RBFOX1: variants seen among roughly 807,000 people sequenced by gnomAD.
RBFOX1 encodes the protein RNA binding protein fox-1 homolog 1.
In RBFOX1, 8 loss-of-function variants were observed where a neutral mutation model predicts 57.7. The ratio of observed to expected loss-of-function variants is 0.14; its 90% CI spans 0.08 to 0.25. The LOEUF (loss-of-function observed/expected upper bound fraction) is 0.25, where lower values mean the gene tolerates loss of function less well. Ranked by LOEUF, RBFOX1 falls within the 10% of genes least tolerant of loss-of-function variation. RBFOX1 has a pLI of 1.00. For synonymous variants in RBFOX1, 326 were observed against 222.4 expected (o/e 1.47, Z -4.15); for missense variants, 611 against 548.5 (o/e 1.11, Z -1.14).
intron 10 of RBFOX1, among the ~76,000 whole-genome samples, chr16:7,613,333 G>C (rs189347992): frequency 6.6e-6 from 1 of 152,264 alleles, no homozygotes; most frequent in East Asian, 1.9e-4. Flanking sequence ...GTCAGGTCTT[G>C]AAACAAGCTC....
rs1224149413 is a variant in RBFOX1 at position 7,341,754 on chromosome 16, C to T, written c.28-176393C>T. ...TCCCTCCTTCCCTCCCTCCCTCCCTCCTTCCCTCCTTCCCTCCCTCCCTCC... is the reference window on the plus strand; with the variant it reads ...TCCCTCCTTCCCTCCCTCCCTCCCTTCTTCCCTCCTTCCCTCCCTCCCTCC... On this transcript the variant is annotated intron_variant, in intron 4 of 15. Transcript: ENST00000550418. 3.6e-3 allele frequency among the ~76,000 whole-genome samples: 412 copies of T among 113,384 alleles called. 1 individual carries two copies. The highest frequency in any genetic ancestry group is 0.013 in the African/African-American group (393 of 29,640). The allele number at this position is 113,384 out of a possible 152,430, so 74.4% of individuals were successfully genotyped here.
chr16:7,536,787 C>A (rs898388273), intron 5 of RBFOX1, among the ~76,000 whole-genome samples: 1 of 152,122 alleles, frequency 6.6e-6, no homozygotes, highest in Non-Finnish European at 1.5e-5. Flanking sequence ...TAGCTTGTTA[C>A]CTCCAGGGTG....
intron 3 of RBFOX1, among the ~76,000 whole-genome samples, chr16:6,848,660 A>T (rs1337972023): frequency 1.3e-5 from 2 of 152,092 alleles, no homozygotes; most frequent in Non-Finnish European, 1.5e-5. Flanking sequence ...GAGGGAGGGA[A>T]AAAAGCAACC....
chr16:5,943,630 A>G (rs1408901412), intron 4 of RBFOX1, among the ~76,000 whole-genome samples: 1 of 152,130 alleles, frequency 6.6e-6, no homozygotes, highest in African/African-American at 2.4e-5. Context: ...CTGCATCTTG[A>G]TTGATTTATC....
intron 2 of RBFOX1, among the ~76,000 whole-genome samples, chr16:6,549,431 AGGGAGGAGGAGG>A (rs2096949522): frequency 3.4e-5 from 1 of 29,664 alleles, no homozygotes; most frequent in Non-Finnish European, 6.4e-5. Context: ...GGAGGGGAGG[AGGGAGGAGGAGG>A]AGGGAGGAGG....
intron 1 of RBFOX1, among the ~76,000 whole-genome samples, chr16:5,446,666 C>T (rs562718610): frequency 2.6e-5 from 4 of 152,116 alleles, no homozygotes; most frequent in African/African-American, 4.8e-5. Flanking sequence ...GAGAGGGGAT[C>T]GCTGTGATTC....
intron 1 of RBFOX1, among the ~76,000 whole-genome samples, chr16:5,324,393 G>A (rs1393416465): frequency 6.6e-6 from 1 of 152,260 alleles, no homozygotes; most frequent in East Asian, 1.9e-4. Context: ...AACCCAGGAG[G>A]CAGAGGTTGC....
At chr16:7,531,904 A>C (rs1448003071) in intron 5 of RBFOX1, among the ~76,000 whole-genome samples, 1 of 151,968 alleles carries the variant, frequency 6.6e-6, no homozygotes, top group Middle Eastern at 3.2e-3. Flanking sequence ...TCCCTAACCC[A>C]TCCCCTTCCC....
chr16:6,974,336 C>CTTTTTTTTTTTTTT (rs59299498), intron 3 of RBFOX1, among the ~76,000 whole-genome samples: 42 of 58,680 alleles, frequency 7.2e-4, no homozygotes, highest in Non-Finnish European at 1.0e-3. Flanking sequence ...TTTTCTTTTT[C>CTTTTTTTTTTTTTT]TTTTTTTTTT....
At chr16:5,673,569 C>T (rs7201000) in intron 3 of RBFOX1, among the ~76,000 whole-genome samples, 98,764 of 152,054 alleles carry the variant, frequency 0.65, 32,882 homozygotes, top group Non-Finnish European at 0.72. Context: ...CTGGTTGTTC[C>T]GTCAAGTGGA....
At chr16:7,434,403 C>T (rs538189763) in intron 4 of RBFOX1, among the ~76,000 whole-genome samples, 6 of 152,006 alleles carry the variant, frequency 3.9e-5, no homozygotes, top group Admixed American at 1.3e-4. Context: ...ACCCGGGAGG[C>T]GGAGCTTGCA....
At chr16:6,239,485 C>CTTTT (rs59244306) in intron 1 of RBFOX1, among the ~76,000 whole-genome samples, 5 of 67,800 alleles carry the variant, frequency 7.4e-5, no homozygotes, top group African/African-American at 1.7e-4. Context: ...CCAACTGACT[C>CTTTT]TTTTTTTTTT....
rs529340688 is a variant in RBFOX1, at chr16:5,489,120, C to T, written c.258+21866C>T. On this transcript the variant is annotated intron_variant, in intron 2 of 2. Transcript: ENST00000585867. The stretch of plus-strand genomic sequence containing the variant: ...GTCAGACGCTGCCTGTCCAGCTTTG[C>T]CTGACACTAAGTCTCTGTGGGCAGC... 2.5e-4 allele frequency among the ~76,000 whole-genome samples: 38 copies of T among 152,290 alleles called. No individual in the cohort carries two copies. In the South Asian group the frequency reaches 7.5e-3, roughly 30 times the overall value.
intron 3 of RBFOX1, among the ~76,000 whole-genome samples, chr16:6,834,737 C>T (rs574856856): frequency 1.6e-4 from 25 of 152,180 alleles, no homozygotes; most frequent in African/African-American, 5.3e-4. Context: ...CTCTGACCTG[C>T]GACTGCTCGT....
At position 6,562,857 on chromosome 16, in the gene RBFOX1, TTTCTTTCTTTCTTTCTTTCTTTC is replaced by T. The variant is rs144757369; in HGVS notation, c.-63-91743_-63-91721del. 3.6e-4 allele frequency among the ~76,000 whole-genome samples: 22 copies of T among 60,426 alleles called. 2 individuals carry two copies. The highest frequency in any genetic ancestry group is 3.4e-3 in the South Asian group (5 of 1,486). The allele number at this position is 60,426 out of a possible 152,430, so 39.6% of individuals were successfully genotyped here. On this transcript the variant is annotated intron_variant, in intron 2 of 15. Coordinates refer to ENST00000550418, the MANE Select transcript of RBFOX1 (RefSeq NM_018723.4). ...TTTTCTTTCTTTCTTTCTTTCTTTC[TTTCTTTCTTTCTTTCTTTCTTTC>T]TTTTTTTTTTTTTTTTTTGCATAGT...
chr16:5,528,818 T>A (rs2044348378), intron 2 of RBFOX1, among the ~76,000 whole-genome samples: 1 of 151,928 alleles, frequency 6.6e-6, no homozygotes, highest in African/African-American at 2.4e-5. Flanking sequence ...CTTGGCTAAT[T>A]TTTGTATTTT....
rs1309859075 is a variant in RBFOX1, at chr16:5,956,672, A to ATTTTT, written c.351+89338_351+89339insTTTTT. On this transcript the variant is annotated intron_variant, in intron 4 of 19. Transcript: ENST00000641259. Reference sequence around the variant, plus strand: ...TATATATATATTTATATATATATATATATATATTTTTTTTGAGGCACAGTC... The same window carrying ATTTTT: ...TATATATATATTTATATATATATATATTTTTTATATATTTTTTTTGAGGCACAGTC... Among the ~76,000 whole-genome samples the ATTTTT allele has an allele frequency of 6.8e-4, 53 of 78,370 alleles. 1 individual carries two copies. The highest frequency in any genetic ancestry group is 2.0e-3 in the East Asian group (6 of 2,940). The allele number at this position is 78,370 out of a possible 152,430, so 51.4% of individuals were successfully genotyped here.
At chr16:7,424,760 G>GCAAACAAA (rs1014291437) in intron 4 of RBFOX1, among the ~76,000 whole-genome samples, 1 of 152,096 alleles carries the variant, frequency 6.6e-6, no homozygotes, top group Admixed American at 6.5e-5. Flanking sequence ...CTAAAAGCAA[G>GCAAACAAA]CAAACAAACA....
intron 3 of RBFOX1, among the ~76,000 whole-genome samples, chr16:6,885,076 A>G (rs545812005): frequency 6.6e-6 from 1 of 152,336 alleles, no homozygotes; most frequent in African/African-American, 2.4e-5. Context: ...GCAGAAACTG[A>G]TACAGAGACA....
Sources: gnomAD v4.1 joint callset for allele counts (sites outside exome capture counted in the v4.1 genomes callset) on GRCh38, gnomAD v4.1.1 for gene constraint, MANE v1.5 for transcripts, NCBI Gene and HGNC (gene_info 2026-07-23, HGNC 2026-07-21) for gene names.